The following LIFR variants were observed in gnomAD, a reference collection of about 807,000 sequenced individuals.
The protein encoded by LIFR is LIF receptor subunit alpha, also known as leukemia inhibitory factor receptor.
In LIFR, 84 loss-of-function variants were observed where a neutral mutation model predicts 122.2. The observed-to-expected ratio is 0.69, with a 90% CI of 0.58 to 0.82. LIFR has a LOEUF of 0.82. Among genes scored for constraint, LIFR ranks in the 40% least tolerant of loss-of-function variants. LIFR has a pLI of 0.00. For missense variants in LIFR, 1,294 were observed against 1,311.6 expected, an observed-to-expected ratio of 0.99 and a Z score of 0.21; for synonymous variants, 422 against 434.7, an observed-to-expected ratio of 0.97 and a Z score of 0.36.
At chr5:38,598,438 G>A (rs1750162596), upstream of LIFR, among the ~76,000 whole-genome samples, 2 of 151,000 alleles carry the variant, frequency 1.3e-5, no homozygotes. Flanking sequence ...TAGAGATGAC[G>A]TTTCACCATG....
chr5:38,506,061 A>AT lies in LIFR; in HGVS notation c.1134dup (p.Tyr379IlefsTer3). ...GCTTCAGCTCTTTTAAGTCTAACAT[A>AT]TTTTCCTGAAAAACTGTTAATTAAC... On this transcript the variant is annotated frameshift_variant, in exon 9 of 20. Coordinates refer to ENST00000453190, the MANE Select transcript of LIFR (RefSeq NM_001127671.2). LOFTEE classifies it high-confidence loss of function. 6.3e-7 allele frequency: 1 copy of AT among 1,595,144 alleles called. No homozygotes were observed. The highest frequency in any genetic ancestry group is 8.6e-7 in the Non-Finnish European group (1 of 1,167,808).
chr5:38,599,884 A>G (rs187029615), upstream of LIFR, among the ~76,000 whole-genome samples: 650 of 152,232 alleles, frequency 4.3e-3, 3 homozygotes, highest in African/African-American at 0.015. Flanking sequence ...AACCTGAAAA[A>G]CTAGTTCAGG....
At chr5:38,503,911 T>A in intron 10 of LIFR, 65 bp downstream of exon 10, 2 of 1,192,116 alleles carry the variant, frequency 1.7e-6, no homozygotes, top group Non-Finnish European at 2.5e-6. Context: ...ATCAATTTGC[T>A]TAATTCTTTT....
intron 18 of LIFR, 50 bp from the exon 19 acceptor site, chr5:38,482,717 GATA>G (rs762418942): frequency 2.2e-5 from 17 of 761,204 alleles, no homozygotes; most frequent in African/African-American, 3.6e-5. Context: ...AAGATTATTA[GATA>G]ATAAATTAAT....
At chr5:38,553,642 A>C (rs1054044016) in intron 1 of LIFR, among the ~76,000 whole-genome samples, 1 of 91,490 alleles carries the variant, frequency 1.1e-5, no homozygotes, top group Non-Finnish European at 2.1e-5. Context: ...ATATATATAT[A>C]TATATATATA....
chr5:38,592,835 C>T (rs1015750314), intron 1 of LIFR, among the ~76,000 whole-genome samples: 4 of 151,928 alleles, frequency 2.6e-5, no homozygotes, highest in East Asian at 1.9e-4. Context: ...ATAAATGTGA[C>T]GGACATAGTA....
At position 38,535,547 on chromosome 5, in the gene LIFR, G is replaced by A. The variant is rs192915795; in HGVS notation, c.-19-4881C>T. Among the ~76,000 whole-genome samples, 4 of 152,148 alleles carry A rather than the reference G, an allele frequency of 2.6e-5. No homozygotes were observed. The East Asian group carries it at 5.8e-4, about 22-fold the overall frequency. On this transcript the variant is annotated intron_variant, in intron 1 of 19. Coordinates refer to ENST00000453190, the MANE Select transcript of LIFR (RefSeq NM_001127671.2). Reference sequence around the variant, plus strand: ...GAGCTGAGTGGCTAGGATAGAGATTGAATGGTCCACAAAGCCTAAAATATT... The same window carrying A: ...GAGCTGAGTGGCTAGGATAGAGATTAAATGGTCCACAAAGCCTAAAATATT...
intron 17 of LIFR, 64 bp downstream of exon 17, chr5:38,485,755 C>T: frequency 6.3e-7 from 1 of 1,583,594 alleles, no homozygotes; most frequent in South Asian, 1.1e-5. Context: ...CTACATAAAC[C>T]AAGAATCACT....
chr5:38,595,623 C>G (rs1238143279), upstream of LIFR, among the ~76,000 whole-genome samples: 1 of 152,068 alleles, frequency 6.6e-6, no homozygotes, highest in Non-Finnish European at 1.5e-5. Context: ...TGAGTCCAAC[C>G]CAGGTTAGGA....
At chr5:38,601,407 A>G (rs2112781943) in intron 2 of LIFR, among the ~76,000 whole-genome samples, 1 of 152,352 alleles carries the variant, frequency 6.6e-6, no homozygotes, top group South Asian at 2.1e-4. Flanking sequence ...AACAAGGGAC[A>G]GTCAGCCAGG....
At position 38,530,555 on chromosome 5, in the gene LIFR, T is replaced by C. The variant is rs141254161; in HGVS notation, c.93A>G (p.Ser31=). 2.6e-5 allele frequency: 42 copies of C among 1,613,230 alleles called. No homozygotes were observed. Among genetic ancestry groups the C allele is most frequent in the Non-Finnish European group, 3.5e-5 (41 of 1,179,196 alleles). The change falls in exon 2 of 20, where the codon TCA becomes TCG. Residue 31 remains serine (S), a synonymous_variant. Transcript: ENST00000453190. ...RTASNFQWLL[S]TFILLYLMNQ... ...TCATTAGATATAGAAGAATAAATGT[T>C]GATAACAGCCACTGGAAATTTGAAG... is the stretch of plus-strand genomic sequence containing the variant.
intron 11 of LIFR, 25 bp downstream of exon 11, chr5:38,502,612 G>A: frequency 1.3e-6 from 2 of 1,570,992 alleles, no homozygotes; most frequent in Non-Finnish European, 1.8e-6. Context: ...GTAATTATTA[G>A]CCATACATCA....
intron 1 of LIFR, among the ~76,000 whole-genome samples, chr5:38,565,627 G>A (rs1170808988): frequency 7.0e-6 from 1 of 143,358 alleles, no homozygotes; most frequent in Non-Finnish European, 1.5e-5. Flanking sequence ...CGCTCTTGTT[G>A]CCCAGGCTGG....
chr5:38,570,949 ATT>A, intron 1 of LIFR, among the ~76,000 whole-genome samples: 1 of 152,338 alleles, frequency 6.6e-6, no homozygotes, highest in Middle Eastern at 3.4e-3. Flanking sequence ...TTGTGTATTC[ATT>A]CATTACTCAA....
chr5:38,580,184 C>A (rs984489181), intron 1 of LIFR, among the ~76,000 whole-genome samples: 1 of 152,132 alleles, frequency 6.6e-6, no homozygotes, highest in African/African-American at 2.4e-5. Flanking sequence ...CACCTCCACC[C>A]AAATGCATCC....
Position 38,479,273 on chromosome 5 carries a change from G to C in LIFR, c.*2322C>G, listed in dbSNP as rs1233705533. The stretch of plus-strand genomic sequence containing the variant: ...CAGCAACTTATAAGGAGCTTGCCCA[G>C]ACTTAATAGCGTTACTCTGCTTCTC... On this transcript the variant is annotated 3_prime_UTR_variant, in exon 20 of 20. Transcript: ENST00000453190. 1 of 231,876 alleles carries C rather than the reference G, an allele frequency of 4.3e-6. No homozygotes were observed. Among genetic ancestry groups the C allele is most frequent in the Non-Finnish European group, 8.5e-6 (1 of 117,242 alleles). The allele number at this position is 231,876 out of a possible 1,614,324, so 14.4% of individuals were successfully genotyped here.
intron 9 of LIFR, 103 bp from the exon 10 acceptor site, chr5:38,504,224 A>G: frequency 1.3e-6 from 1 of 792,788 alleles, no homozygotes; most frequent in East Asian, 2.6e-5. Context: ...AGGCATCATT[A>G]GTGCTGACCA....
At chr5:38,593,824 G>A (rs1326185871) in intron 1 of LIFR, among the ~76,000 whole-genome samples, 3 of 152,062 alleles carry the variant, frequency 2.0e-5, no homozygotes, top group Non-Finnish European at 1.5e-5. Flanking sequence ...ATAAGAAAAC[G>A]GTCCTCTAAG....
chr5:38,516,364 A>T (rs1357885781), intron 5 of LIFR, among the ~76,000 whole-genome samples: 1 of 152,242 alleles, frequency 6.6e-6, no homozygotes, highest in Admixed American at 6.5e-5. Flanking sequence ...ACAAATTTAC[A>T]AGAAAAAAAT....
Sources: gnomAD v4.1 joint callset for allele counts (sites outside exome capture counted in the v4.1 genomes callset) on GRCh38, gnomAD v4.1.1 for gene constraint, MANE v1.5 for transcripts, NCBI Gene and HGNC (gene_info 2026-07-23, HGNC 2026-07-21) for gene names.